The following RNF150 variants were observed in gnomAD, a reference collection of about 807,000 sequenced individuals.
The protein encoded by RNF150 is ring finger protein 150.
RNF150 carries 24 observed loss-of-function variants against 39.3 expected under a neutral mutation model. The observed-to-expected ratio is 0.61, with a 90% CI of 0.44 to 0.86. RNF150 has a LOEUF of 0.86. Ranked by LOEUF, RNF150 falls within the 40% of genes least tolerant of loss-of-function variation. RNF150 has a pLI of 0.00. For synonymous variants in RNF150, 255 were observed against 227.3 expected (o/e 1.12, Z -1.10); for missense variants, 502 against 587.8 (o/e 0.85, Z 1.51).
intron 1 of RNF150, among the ~76,000 whole-genome samples, chr4:140,972,697 C>T (rs570334504): frequency 6.6e-6 from 1 of 152,214 alleles, no homozygotes; most frequent in African/African-American, 2.4e-5. Context: ...TGTGTGCTCT[C>T]CAGGTCCCTT....
At chr4:140,964,619 A>G (rs895954305) in intron 2 of RNF150, among the ~76,000 whole-genome samples, 1 of 152,160 alleles carries the variant, frequency 6.6e-6, no homozygotes, top group African/African-American at 2.4e-5. Context: ...GGGAATAAAA[A>G]GAAGAGTTGA....
At chr4:141,093,682 C>G (rs1738678179) in intron 1 of RNF150, among the ~76,000 whole-genome samples, 1 of 152,206 alleles carries the variant, frequency 6.6e-6, no homozygotes, top group South Asian at 2.1e-4. Context: ...CCATATTCTC[C>G]TAGAAGGAGA....
intron 6 of RNF150, 53 bp from the exon 7 acceptor site, chr4:140,868,432 C>T: frequency 2.1e-6 from 2 of 961,030 alleles, no homozygotes; most frequent in Non-Finnish European, 1.7e-6. Flanking sequence ...TCTTTGCATG[C>T]TGCTTATTTC....
At chr4:141,068,491 G>A (rs1421275336) in intron 1 of RNF150, among the ~76,000 whole-genome samples, 3 of 152,080 alleles carry the variant, frequency 2.0e-5, no homozygotes, top group African/African-American at 7.2e-5. Flanking sequence ...GTCAGGTAGT[G>A]TGATGCCTCC....
chr4:141,032,735 T>A (rs1735997524), intron 1 of RNF150, among the ~76,000 whole-genome samples: 1 of 151,988 alleles, frequency 6.6e-6, no homozygotes, highest in Non-Finnish European at 1.5e-5. Flanking sequence ...GTGGATTCAG[T>A]AATAAGGTAA....
intron 6 of RNF150, among the ~76,000 whole-genome samples, chr4:140,903,966 T>C (rs1730282494): frequency 6.6e-6 from 1 of 152,244 alleles, no homozygotes; most frequent in Non-Finnish European, 1.5e-5. Context: ...CCTGGCAGTC[T>C]CGCTTTGAGT....
chr4:140,967,727 A>G lies in RNF150; in HGVS notation c.631T>C (p.Phe211Leu), dbSNP rs964621606. 2 of 1,613,502 alleles carry G rather than the reference A, an allele frequency of 1.2e-6. No homozygotes were observed. Among genetic ancestry groups the G allele is most frequent in the African/African-American group, 2.7e-5 (2 of 74,882 alleles). ...AGGACAATGAAGGAGATGGAGACAAACACAACCGAAGTGCGGCTCACATAT... is the reference window on the plus strand; with the variant it reads ...AGGACAATGAAGGAGATGGAGACAAGCACAACCGAAGTGCGGCTCACATAT... The part of the protein sequence containing the change: ...QKYVSRTSVV[F>L]VSISFIVLMI... Residue 211 changes from phenylalanine (F) to leucine (L), a missense_variant, in exon 2 of 7, where the codon TTT becomes CTT. By Grantham distance (22) the Phe-to-Leu change is conservative. Transcript: ENST00000515673.
At chr4:141,061,944 A>G (rs746962065) in intron 1 of RNF150, among the ~76,000 whole-genome samples, 2 of 147,770 alleles carry the variant, frequency 1.4e-5, no homozygotes, top group Non-Finnish European at 3.0e-5. Flanking sequence ...TTTAAAATCC[A>G]TTAAAATATT....
chr4:140,965,902 T>G (rs1331682499), intron 2 of RNF150, among the ~76,000 whole-genome samples: 1 of 152,136 alleles, frequency 6.6e-6, no homozygotes, highest in Non-Finnish European at 1.5e-5. Context: ...AGATTTTACC[T>G]GCTCTTGTCA....
intron 1 of RNF150, among the ~76,000 whole-genome samples, chr4:141,156,734 T>TAAAAAAAAAA (rs3081645): frequency 1.0e-5 from 1 of 96,630 alleles, no homozygotes; most frequent in Non-Finnish European, 1.9e-5. Flanking sequence ...TCTCTACTAC[T>TAAAAAAAAAA]AAAAAAAAAA....
chr4:141,053,472 C>A (rs1215491469), intron 1 of RNF150, among the ~76,000 whole-genome samples: 1 of 152,108 alleles, frequency 6.6e-6, no homozygotes, highest in African/African-American at 2.4e-5. Context: ...TAAGGCAGGA[C>A]AGAGTGTGGG....
Position 141,132,349 on chromosome 4 carries a change from CGTT to C in RNF150, c.457_459del (p.Asn153del), listed in dbSNP as rs1417221147. 6.3e-7 allele frequency: 1 copy of C among 1,589,822 alleles called. No homozygotes were observed. The highest frequency in any genetic ancestry group is 1.3e-5 in the African/African-American group (1 of 74,840). Reference sequence around the variant, plus strand: ...CCCGCGTGGGGCATGGTGATGGTCTCGTTGGTGTTGGAGCCCACGTTGAAGATG... The same window carrying C: ...CCCGCGTGGGGCATGGTGATGGTCTCGGTGTTGGAGCCCACGTTGAAGATG... On this transcript the variant is annotated inframe_deletion, in exon 1 of 7. Coordinates refer to ENST00000515673, the MANE Select transcript of RNF150 (RefSeq NM_020724.2). The surrounding 1 kb of genome is among the most constrained non-coding windows in gnomAD (Gnocchi z 4.9).
intron 6 of RNF150, among the ~76,000 whole-genome samples, chr4:140,884,259 C>T (rs1165434522): frequency 1.3e-5 from 2 of 152,208 alleles, no homozygotes; most frequent in East Asian, 1.9e-4. Context: ...TCTTTTGAAA[C>T]GATTTATCTG....
rs148357229 is a variant in RNF150 at position 141,099,924 on chromosome 4, T to C, written c.484+32401A>G. ...ACTGTGATTGTGACTATGTATGTTT[T>C]AGTAGGGTATTTGGTTTGGAGTGTG... is the stretch of plus-strand genomic sequence containing the variant. On this transcript the variant is annotated intron_variant, in intron 1 of 6. Coordinates refer to ENST00000515673, the MANE Select transcript of RNF150 (RefSeq NM_020724.2). Among the ~76,000 whole-genome samples, 408 of 152,304 alleles carry C rather than the reference T, an allele frequency of 2.7e-3. 1 individual carries two copies. Among genetic ancestry groups the C allele is most frequent in the African/African-American group, 9.6e-3 (397 of 41,570 alleles).
intron 1 of RNF150, among the ~76,000 whole-genome samples, chr4:141,202,509 C>T (rs879414761): frequency 6.6e-6 from 1 of 151,720 alleles, no homozygotes. Flanking sequence ...TAAAGTAAGA[C>T]CTTTAAAAAA....
rs540494853 is a variant in RNF150, at chr4:140,959,836, T to C, written c.735+7787A>G. ...GGAAAGAAACTAACATAAAATGATATGATTGCGGGAGAGAGGCTGGGGTAG... is the reference window on the plus strand; with the variant it reads ...GGAAAGAAACTAACATAAAATGATACGATTGCGGGAGAGAGGCTGGGGTAG... On this transcript the variant is annotated intron_variant, in intron 2 of 6. Coordinates refer to ENST00000515673, the MANE Select transcript of RNF150 (RefSeq NM_020724.2). Among the ~76,000 whole-genome samples, 10 of 152,142 alleles carry C rather than the reference T, an allele frequency of 6.6e-5. No homozygotes were observed. The South Asian group carries it at 1.7e-3, about 25-fold the overall frequency.
At chr4:141,067,991 G>C (rs942146772) in intron 1 of RNF150, among the ~76,000 whole-genome samples, 1 of 151,670 alleles carries the variant, frequency 6.6e-6, no homozygotes, top group Non-Finnish European at 1.5e-5. Context: ...AGTCACCCAG[G>C]CTGGAGTGCA....
At chr4:141,029,791 T>A (rs1259871172) in intron 1 of RNF150, among the ~76,000 whole-genome samples, 1 of 152,108 alleles carries the variant, frequency 6.6e-6, no homozygotes, top group Non-Finnish European at 1.5e-5. Context: ...GGGATTACTA[T>A]CCAGAATATA....
At chr4:141,193,603 T>C (rs999910897) in intron 1 of RNF150, among the ~76,000 whole-genome samples, 1 of 152,148 alleles carries the variant, frequency 6.6e-6, no homozygotes, top group Non-Finnish European at 1.5e-5. Context: ...GTTTTTTTTT[T>C]CCCAGAGATT....
Sources: gnomAD v4.1 joint callset for allele counts (sites outside exome capture counted in the v4.1 genomes callset) on GRCh38, gnomAD v4.1.1 for gene constraint, Gnocchi (gnomAD v3.1) non-coding constraint, MANE v1.5 for transcripts, NCBI Gene and HGNC (gene_info 2026-07-23, HGNC 2026-07-21) for gene names.